Variants in ST6GALNAC6 observed in about 807,000 individuals in gnomAD.
ST6GALNAC6 encodes ST6 N-acetylgalactosaminide alpha-2,6-sialyltransferase 6, also known as alpha-N-acetylgalactosaminide alpha-2,6-sialyltransferase 6.
In ST6GALNAC6, 19 loss-of-function variants were observed where a neutral mutation model predicts 34.3. The observed-to-expected ratio is 0.55, with a 90% CI of 0.39 to 0.81. The LOEUF is 0.81. Ranked by LOEUF, ST6GALNAC6 falls within the 40% of genes least tolerant of loss-of-function variation. The pLI is 0.00. For missense variants in ST6GALNAC6, 377 were observed against 467.7 expected (o/e 0.81, Z 1.79); for synonymous variants, 185 against 182.1 (o/e 1.02, Z -0.13).
In ST6GALNAC6 at chr9:127,890,951, C is replaced by T. The variant is rs764418213; in HGVS notation, c.390G>A (p.Glu130=). Residue 130 remains glutamate (E), a synonymous_variant, in exon 5 of 7, where the codon GAG becomes GAA. Transcript: ENST00000373146. The surrounding 1 kb of genome is among the most constrained non-coding windows in gnomAD (Gnocchi z 4.3). The stretch of plus-strand genomic sequence containing the variant: ...GTGCATCATTCATGCGGATTGTACA[C>T]TCAGCCCGCTCGATCTCAGGGCCCA... The part of the protein sequence containing the change: ...TKLGPEIERA[E]CTIRMNDAPT... 3.1e-6 allele frequency: 5 copies of T among 1,614,192 alleles called. No homozygotes were observed. In the South Asian group the frequency reaches 5.5e-5, roughly 18 times the overall value.
At position 127,896,291 on chromosome 9, in the gene ST6GALNAC6, C is replaced by A. The variant is rs151028709; in HGVS notation, c.68G>T (p.Arg23Leu). 1,177 of 1,613,956 alleles carry A rather than the reference C, an allele frequency of 7.3e-4. 13 individuals carry two copies. In the Admixed American group the frequency reaches 0.018, roughly 24 times the overall value. ...GCGTCTGCTGAGGGGTAGGTGTCGG[C>A]GTCCTGCAGGTGGCCCTGGGGGCAG... ...TSLPPGPPAG[R>L]RHLPLSRRRR... is the part of the protein sequence containing the mutation. Residue 23 changes from arginine (R) to leucine (L), a missense_variant, in exon 3 of 7, where the codon CGC becomes CTC. Physicochemically the swap from Arg to Leu is moderately radical, Grantham distance 102. Coordinates refer to ENST00000373146, the MANE Select transcript of ST6GALNAC6 (RefSeq NM_013443.5).
upstream of ST6GALNAC6, among the ~76,000 whole-genome samples, chr9:127,900,560 C>CAAAAAAAAA (rs71380101): frequency 5.2e-4 from 23 of 44,186 alleles, 2 homozygotes; most frequent in South Asian, 1.7e-3. Flanking sequence ...AACTCCGTCT[C>CAAAAAAAAA]AAAAAAAAAA....
upstream of ST6GALNAC6, among the ~76,000 whole-genome samples, chr9:127,902,404 C>T (rs368163383): frequency 3.5e-3 from 532 of 152,124 alleles, 4 homozygotes; most frequent in African/African-American, 0.012. Context: ...AGGTGATCCG[C>T]CTGCCTCAGC....
chr9:127,893,764 T>C (rs969503409), intron 4 of ST6GALNAC6, among the ~76,000 whole-genome samples: 1 of 152,224 alleles, frequency 6.6e-6, no homozygotes, highest in Non-Finnish European at 1.5e-5. Context: ...TCCAGACACC[T>C]GCTAATGTGC....
intron 2 of ST6GALNAC6, chr9:127,897,433 T>G (rs942557974): frequency 1.0e-6 from 1 of 986,958 alleles, no homozygotes; most frequent in Non-Finnish European, 1.2e-6. Flanking sequence ...CAGAGGAGGC[T>G]TGGCACACAC....
Position 127,886,426 on chromosome 9 carries a change from G to GCCAACAGATTCC in ST6GALNAC6, c.*161_*172dup. On this transcript the variant is annotated 3_prime_UTR_variant, in exon 7 of 7. Transcript: ENST00000373146. ...GCATAGACTCCCAAATCCCTGATTC[G>GCCAACAGATTCC]CCAACAGATTCCCCAGGCCCTGATT... is the stretch of plus-strand genomic sequence containing the variant. The GCCAACAGATTCC allele has an allele frequency of 7.0e-7, 1 of 1,438,184 alleles. No homozygotes were observed. Among genetic ancestry groups the GCCAACAGATTCC allele is most frequent in the Non-Finnish European group, 9.1e-7 (1 of 1,098,018 alleles). The allele number at this position is 1,438,184 out of a possible 1,614,324, so 89.1% of individuals were successfully genotyped here. A position where few individuals can be genotyped will look rare whatever the true frequency, so the allele number is the denominator to read the frequency against.
chr9:127,897,275 G>A (rs1830521506), intron 2 of ST6GALNAC6: 4 of 985,996 alleles, frequency 4.1e-6, no homozygotes, highest in Non-Finnish European at 4.8e-6. Context: ...GGGCAGGAGT[G>A]CAGAGGGAAG....
upstream of ST6GALNAC6, among the ~76,000 whole-genome samples, chr9:127,899,840 G>A (rs1830689511): frequency 6.7e-6 from 1 of 148,296 alleles, no homozygotes; most frequent in African/African-American, 2.5e-5. Flanking sequence ...GTGTGGATCG[G>A]GCCCACTTCT....
chr9:127,896,377 T>C, intron 2 of ST6GALNAC6, 45 bp from the exon 3 acceptor site: 1 of 1,541,246 alleles, frequency 6.5e-7, no homozygotes, highest in African/African-American at 1.4e-5. Flanking sequence ...GTCCTTTGGG[T>C]CCAGCAAGCC....
In ST6GALNAC6 at chr9:127,886,483, A is replaced by C; in HGVS notation, c.*116T>G. 6.7e-7 allele frequency: 1 copy of C among 1,490,138 alleles called. No homozygotes were observed. The highest frequency in any genetic ancestry group is 2.4e-5 in the East Asian group (1 of 41,610). The allele number at this position is 1,490,138 out of a possible 1,614,324, so 92.3% of individuals were successfully genotyped here. On this transcript the variant is annotated 3_prime_UTR_variant, in exon 7 of 7. Transcript: ENST00000373146. Reference sequence around the variant, plus strand: ...AGGATACATCCTCCTCAAGGCCCTGATTGGCTGGGAGACACTCCAGCAAGC... The same window carrying C: ...AGGATACATCCTCCTCAAGGCCCTGCTTGGCTGGGAGACACTCCAGCAAGC...
intron 5 of ST6GALNAC6, among the ~76,000 whole-genome samples, chr9:127,888,204 T>C (rs1370566472): frequency 1.3e-5 from 2 of 152,114 alleles, no homozygotes; most frequent in African/African-American, 4.8e-5. Context: ...ACCTCATCTC[T>C]ACAAAAAATT....
upstream of ST6GALNAC6, among the ~76,000 whole-genome samples, chr9:127,901,131 GA>G (rs1182518129): frequency 1.3e-5 from 2 of 151,936 alleles, no homozygotes; most frequent in Non-Finnish European, 2.9e-5. Context: ...TCGCTATGGG[GA>G]AAAACCCCAA....
At chr9:127,896,865 G>A (rs1370617992) in intron 2 of ST6GALNAC6, 2 of 985,218 alleles carry the variant, frequency 2.0e-6, no homozygotes, top group Middle Eastern at 5.2e-4. Context: ...GCTGCCTGCG[G>A]GATACAGCCC....
intron 4 of ST6GALNAC6, 59 bp from the exon 5 acceptor site, chr9:127,891,102 T>C (rs965270024): frequency 1.9e-6 from 3 of 1,572,902 alleles, no homozygotes; most frequent in Admixed American, 3.6e-5. Context: ...CTGTGCTCCA[T>C]ACATCCAGGC....
upstream of ST6GALNAC6, chr9:127,905,916 G>A (rs1830905353): frequency 1.0e-6 from 1 of 984,696 alleles, no homozygotes; most frequent in Non-Finnish European, 1.2e-6. Context: ...CCGCCTACCA[G>A]ACTCCATCCC....
rs1829751164 is a variant in ST6GALNAC6, at chr9:127,886,349, G to C, written c.*250C>G. ...GACTCAGAAATACCCCCTCTACCCT[G>C]ATTGACTGTGCGCAGACCCTGACTG... On this transcript the variant is annotated 3_prime_UTR_variant, in exon 7 of 7. Coordinates refer to ENST00000373146, the MANE Select transcript of ST6GALNAC6 (RefSeq NM_013443.5). The C allele has an allele frequency of 1.8e-6, 2 of 1,135,230 alleles. No individual in the cohort carries two copies. The highest frequency in any genetic ancestry group is 2.4e-6 in the Non-Finnish European group (2 of 830,176). 70.3% of individuals were successfully genotyped at this position (1,135,230 alleles called of 1,614,324 possible). A position where few individuals can be genotyped will look rare whatever the true frequency, so the allele number is the denominator to read the frequency against.
upstream of ST6GALNAC6, among the ~76,000 whole-genome samples, chr9:127,906,260 C>A (rs1021051430): frequency 1.3e-5 from 2 of 151,752 alleles, no homozygotes; most frequent in Admixed American, 6.6e-5. Context: ...AAACAAAAAA[C>A]AAAACAAACA....
At chr9:127,902,444 G>A (rs1014922442), upstream of ST6GALNAC6, among the ~76,000 whole-genome samples, 2 of 152,104 alleles carry the variant, frequency 1.3e-5, no homozygotes, top group Non-Finnish European at 2.9e-5. Flanking sequence ...ACAGGTGTGA[G>A]GCACTGTGCC....
At chr9:127,905,932 T>C (rs1194681497), upstream of ST6GALNAC6, 1 of 985,394 alleles carries the variant, frequency 1.0e-6, no homozygotes, top group Non-Finnish European at 1.2e-6. Flanking sequence ...ATCCCGCCCT[T>C]ACCTCTGCCT....
Sources: gnomAD v4.1 joint callset for allele counts (sites outside exome capture counted in the v4.1 genomes callset) on GRCh38, gnomAD v4.1.1 for gene constraint, Gnocchi (gnomAD v3.1) non-coding constraint, MANE v1.5 for transcripts, NCBI Gene and HGNC (gene_info 2026-07-23, HGNC 2026-07-21) for gene names.